Variants in SNAP91 observed in about 807,000 individuals in gnomAD.
SNAP91 encodes clathrin coat assembly protein AP180.
A neutral mutation model predicts 100.3 loss-of-function variants in SNAP91; 27 were observed. That is an observed-to-expected ratio of 0.27 (90% CI 0.20 to 0.37). SNAP91 has a LOEUF of 0.37. SNAP91 is among the 10% of genes least tolerant of loss of function. SNAP91 has a pLI of 1.00. For synonymous variants in SNAP91, 404 were observed against 398.6 expected, an observed-to-expected ratio of 1.01 and a Z score of -0.16; for missense variants, 986 against 1,123.7, an observed-to-expected ratio of 0.88 and a Z score of 1.75.
At chr6:83,609,546 C>A (rs1018104182) in intron 12 of SNAP91, among the ~76,000 whole-genome samples, 3 of 152,120 alleles carry the variant, frequency 2.0e-5, no homozygotes, top group Non-Finnish European at 4.4e-5. Context: ...CCTTGAATAT[C>A]TGTAATGACA....
At chr6:83,657,036 T>G (rs1011152173) in intron 6 of SNAP91, among the ~76,000 whole-genome samples, 171 bp from the exon 7 acceptor site, 1 of 152,226 alleles carries the variant, frequency 6.6e-6, no homozygotes, top group Non-Finnish European at 1.5e-5. Context: ...CATATGTTTT[T>G]GCTTCAATTT....
intron 8 of SNAP91, among the ~76,000 whole-genome samples, chr6:83,628,879 A>G (rs2128459096): frequency 1.3e-5 from 2 of 151,988 alleles, no homozygotes; most frequent in Middle Eastern, 6.8e-3. Context: ...TAAGTCCCAG[A>G]AATTTATCTT....
chr6:83,618,305 C>CA, intron 9 of SNAP91, among the ~76,000 whole-genome samples: 1 of 150,354 alleles, frequency 6.7e-6, no homozygotes, highest in Middle Eastern at 3.4e-3. Flanking sequence ...TTAATTTGAT[C>CA]AAAATGATGA....
chr6:83,607,548 G>A, intron 13 of SNAP91, 151 bp downstream of exon 13: 1 of 464,038 alleles, frequency 2.2e-6, no homozygotes, highest in South Asian at 4.3e-5. Flanking sequence ...AAGAGGCACA[G>A]GAGTAAAACA....
At chr6:83,636,006 C>G (rs1020258681) in intron 8 of SNAP91, among the ~76,000 whole-genome samples, 37 of 152,184 alleles carry the variant, frequency 2.4e-4, no homozygotes, top group African/African-American at 8.9e-4. Context: ...CTACAAATCT[C>G]TAGCTTGTAA....
At position 83,641,159 on chromosome 6, in the gene SNAP91, TAG is replaced by T; in HGVS notation, c.700_701del (p.Leu234ArgfsTer9). 6.5e-7 allele frequency: 1 copy of T among 1,539,670 alleles called. No homozygotes were observed. Among genetic ancestry groups the T allele is most frequent in the Non-Finnish European group, 8.7e-7 (1 of 1,143,964 alleles). The part of the protein sequence containing the change: ...EMKKGQCKDA[L>X]EIYKRFLTRM... ...TAGTTAGAAATCGTTTGTAAATTTC[TAG>T]AGCATCTTTACATTGTCCTTTCTTC... is the stretch of plus-strand genomic sequence containing the variant. On this transcript the variant is annotated frameshift_variant, in exon 8 of 30. Coordinates refer to ENST00000369694, the MANE Select transcript of SNAP91 (RefSeq NM_001242792.2). LOFTEE classifies it high-confidence loss of function.
At chr6:83,666,048 T>C (rs139070665) in intron 2 of SNAP91, among the ~76,000 whole-genome samples, 2 of 152,078 alleles carry the variant, frequency 1.3e-5, no homozygotes, top group African/African-American at 4.8e-5. Flanking sequence ...TGAAAGGTGC[T>C]AGTAAATACA....
intron 27 of SNAP91, among the ~76,000 whole-genome samples, chr6:83,560,642 T>C (rs1583861594): frequency 6.6e-6 from 1 of 152,216 alleles, no homozygotes; most frequent in Non-Finnish European, 1.5e-5. Flanking sequence ...GATATAACAA[T>C]GTACTATAGA....
intron 2 of SNAP91, among the ~76,000 whole-genome samples, chr6:83,693,643 CA>C (rs2099159177): frequency 6.6e-6 from 1 of 152,168 alleles, no homozygotes; most frequent in Non-Finnish European, 1.5e-5. Context: ...CCCTGTCTCA[CA>C]ATAGCTATAA....
intron 22 of SNAP91, 28 bp downstream of exon 22, chr6:83,591,183 C>T (rs1004717034): frequency 1.3e-5 from 18 of 1,436,578 alleles, no homozygotes; most frequent in Non-Finnish European, 1.7e-5. Context: ...AATTTAACTT[C>T]TACAAAATAC....
chr6:83,703,387 C>T (rs1004220370), intron 2 of SNAP91, among the ~76,000 whole-genome samples: 4 of 152,012 alleles, frequency 2.6e-5, no homozygotes, highest in Admixed American at 2.0e-4. Context: ...ATGGTGTCTA[C>T]TGAATTAGTG....
chr6:83,697,130 C>T lies in SNAP91; in HGVS notation c.130+10668G>A, dbSNP rs78589199. Among the ~76,000 whole-genome samples the T allele has an allele frequency of 9.5e-3, 1,441 of 152,060 alleles. 25 individuals carry two copies. The highest frequency in any genetic ancestry group is 0.032 in the African/African-American group (1,335 of 41,480). On this transcript the variant is annotated intron_variant, in intron 2 of 29. Coordinates refer to ENST00000369694, the MANE Select transcript of SNAP91 (RefSeq NM_001242792.2). The stretch of plus-strand genomic sequence containing the variant: ...CAAGTTGTTAATGGAAATTTTATCA[C>T]GTTAATTAATAGTATCACCAATAAC...
intron 8 of SNAP91, among the ~76,000 whole-genome samples, chr6:83,624,740 T>C (rs1027111313): frequency 5.3e-5 from 8 of 151,986 alleles, no homozygotes; most frequent in Admixed American, 2.0e-4. Context: ...ATGCTATCCT[T>C]TGAGGAGGGG....
chr6:83,695,330 G>GA (rs2099190772), intron 2 of SNAP91, among the ~76,000 whole-genome samples: 1 of 119,258 alleles, frequency 8.4e-6, no homozygotes, highest in South Asian at 2.9e-4. Context: ...GAAAAGAAAA[G>GA]AAAGAAAACT....
intron 2 of SNAP91, 129 bp from the exon 3 acceptor site, chr6:83,665,710 A>G: frequency 1.4e-6 from 1 of 695,756 alleles, no homozygotes; most frequent in Non-Finnish European, 2.3e-6. Context: ...GCTGATAACA[A>G]AATTTAAAAA....
intron 2 of SNAP91, among the ~76,000 whole-genome samples, chr6:83,699,867 T>C (rs2099269539): frequency 6.6e-6 from 1 of 152,182 alleles, no homozygotes; most frequent in South Asian, 2.1e-4. Context: ...GACTGAAATG[T>C]TATCAAAGTG....
intron 4 of SNAP91, 131 bp downstream of exon 4, chr6:83,662,216 A>G: frequency 3.0e-6 from 1 of 335,840 alleles, no homozygotes; most frequent in Non-Finnish European, 5.5e-6. Flanking sequence ...TTTTAAAGCT[A>G]TATTTAAATA....
In SNAP91 at chr6:83,607,765, G is replaced by C. The variant is rs2095726046; in HGVS notation, c.956C>G (p.Ala319Gly). 2 of 1,595,208 alleles carry C rather than the reference G, an allele frequency of 1.3e-6. No homozygotes were observed. The highest frequency in any genetic ancestry group is 1.3e-5 in the African/African-American group (1 of 74,596). The change falls in exon 13 of 30, where the codon GCT (alanine) becomes GGT (glycine). Residue 319 changes from alanine (A) to glycine (G), a missense_variant. Coordinates refer to ENST00000369694, the MANE Select transcript of SNAP91 (RefSeq NM_001242792.2). ...CGGTGGGGATGTGTCAATAGTTTTAGCTGGTGTAGAATTAGGAGACGTAAC... is the reference window on the plus strand; with the variant it reads ...CGGTGGGGATGTGTCAATAGTTTTACCTGGTGTAGAATTAGGAGACGTAAC... ...TTVTSPNSTP[A>G]KTIDTSPPVD...
intron 11 of SNAP91, among the ~76,000 whole-genome samples, chr6:83,611,964 G>T (rs190696260): frequency 2.1e-5 from 3 of 143,712 alleles, no homozygotes; most frequent in African/African-American, 7.8e-5. Flanking sequence ...CTCATGATCC[G>T]CCTGCCTCGG....
Sources: gnomAD v4.1 joint callset for allele counts (sites outside exome capture counted in the v4.1 genomes callset) on GRCh38, gnomAD v4.1.1 for gene constraint, MANE v1.5 for transcripts, NCBI Gene and HGNC (gene_info 2026-07-23, HGNC 2026-07-21) for gene names.